CD200R1: variants seen among roughly 807,000 people sequenced by gnomAD.
CD200R1 encodes cell surface glycoprotein CD200 receptor 1.
In CD200R1, 30 loss-of-function variants were observed where a neutral mutation model predicts 38.1. The ratio of observed to expected loss-of-function variants is 0.79; its 90% CI spans 0.59 to 1.07. The LOEUF (loss-of-function observed/expected upper bound fraction) is 1.07. Among genes scored for constraint, CD200R1 ranks in the 50% least tolerant of loss-of-function variants. CD200R1 has a pLI of 0.00. For missense variants in CD200R1, 372 were observed against 415.4 expected, an observed-to-expected ratio of 0.90 and a Z score of 0.91; for synonymous variants, 128 against 152.1, an observed-to-expected ratio of 0.84 and a Z score of 1.16.
chr3:112,969,751 C>A (rs1382797449), intron 1 of CD200R1, among the ~76,000 whole-genome samples: 1 of 152,192 alleles, frequency 6.6e-6, no homozygotes, highest in Non-Finnish European at 1.5e-5. Context: ...TGCAGGTAGA[C>A]TTCTCCCTCT....
In CD200R1 at chr3:112,928,876, C is replaced by T. The variant is rs867172045; in HGVS notation, c.709G>A (p.Val237Met). Residue 237 changes from valine (V) to methionine (M), a missense_variant, in exon 5 of 8, where the codon GTG (valine) becomes ATG (methionine). Transcript: ENST00000308611. ...CHWEVHNVST[V>M]TCHVSHLTGN... ...GTCAAATGGGAGACGTGGCAGGTCA[C>T]GGTAGACACATTGTGGACCTCCCAG... The T allele has an allele frequency of 8.1e-6, 13 of 1,613,720 alleles. No individual in the cohort carries two copies. The highest frequency in any genetic ancestry group is 2.2e-5 in the East Asian group (1 of 44,878).
chr3:112,930,392 A>G (rs1345195522), intron 3 of CD200R1, among the ~76,000 whole-genome samples: 1 of 152,210 alleles, frequency 6.6e-6, no homozygotes, highest in Non-Finnish European at 1.5e-5. Flanking sequence ...CTGTGAACTT[A>G]GCTCACAGAT....
Position 112,922,659 on chromosome 3 carries a change from G to A in CD200R1, c.*1018C>T, listed in dbSNP as rs577697226. 5.9e-5 allele frequency: 9 copies of A among 151,994 alleles called. No individual in the cohort carries two copies. The South Asian group carries it at 1.9e-3, about 32-fold the overall frequency. The allele number at this position is 151,994 out of a possible 1,614,324, so 9.4% of individuals were successfully genotyped here. A position where few individuals can be genotyped will look rare whatever the true frequency, so the allele number is the denominator to read the frequency against. ...AGAAGAAGCTAATGTTCTCACACGT[G>A]CATTCACTCTCTTACAAACATGACC... On this transcript the variant is annotated 3_prime_UTR_variant, in exon 8 of 8. Transcript: ENST00000308611.
chr3:112,929,767 G>A (rs1272475586), intron 3 of CD200R1, among the ~76,000 whole-genome samples: 1 of 151,930 alleles, frequency 6.6e-6, no homozygotes, highest in Non-Finnish European at 1.5e-5. Flanking sequence ...TATTAATGGA[G>A]AAGTTTTAAT....
intron 2 of CD200R1, among the ~76,000 whole-genome samples, chr3:112,933,944 GAA>G (rs1471073517): frequency 6.6e-6 from 1 of 151,114 alleles, no homozygotes; most frequent in Non-Finnish European, 1.5e-5. Context: ...AAAACAAAAA[GAA>G]AAAGAATTTT....
intron 2 of CD200R1, among the ~76,000 whole-genome samples, chr3:112,934,309 G>A (rs1940523661): frequency 6.6e-6 from 1 of 152,046 alleles, no homozygotes; most frequent in Non-Finnish European, 1.5e-5. Context: ...AACCTTATGG[G>A]CCAAGAGAAA....
rs200448544 is a variant in CD200R1 at position 112,929,028 on chromosome 3, C to A, written c.557G>T (p.Arg186Ile). ...TGCAACTGCCTTGCATACTGCAGTT[C>A]TATTCCTGTTTTGAAACAGGGTCAC... ...PEVTLFQNRN[R>I]TAVCKAVAGK... Residue 186 changes from arginine (R) to isoleucine (I), a missense_variant, in exon 5 of 8, where the codon AGA becomes ATA. Coordinates refer to ENST00000308611, the MANE Select transcript of CD200R1 (RefSeq NM_138806.4). The A allele has an allele frequency of 2.2e-5, 36 of 1,613,902 alleles. No homozygotes were observed. Among genetic ancestry groups the A allele is most frequent in the Middle Eastern group, 1.7e-4 (1 of 5,908 alleles).
At chr3:112,963,956 C>T (rs1933088635) in intron 1 of CD200R1, among the ~76,000 whole-genome samples, 1 of 152,194 alleles carries the variant, frequency 6.6e-6, no homozygotes, top group Non-Finnish European at 1.5e-5. Context: ...GTGCCAGCTG[C>T]TCCAGCCATG....
At chr3:112,927,940 A>T (rs1940319735) in intron 5 of CD200R1, among the ~76,000 whole-genome samples, 1 of 152,200 alleles carries the variant, frequency 6.6e-6, no homozygotes, top group South Asian at 2.1e-4. Flanking sequence ...GTATTTCTTG[A>T]TTCAGCACTT....
chr3:112,932,876 GTGCC>G (rs1436268135), intron 2 of CD200R1, among the ~76,000 whole-genome samples: 1 of 151,948 alleles, frequency 6.6e-6, no homozygotes, highest in Non-Finnish European at 1.5e-5. Context: ...AAGTGGCCCC[GTGCC>G]TGTAACCAGA....
At chr3:112,945,186 T>C (rs556896352) in intron 2 of CD200R1, among the ~76,000 whole-genome samples, 1 of 152,218 alleles carries the variant, frequency 6.6e-6, no homozygotes, top group African/African-American at 2.4e-5. Context: ...CCAACCAAAA[T>C]CTCAGCAAGT....
chr3:112,946,702 C>A (rs1472037250), intron 2 of CD200R1, among the ~76,000 whole-genome samples: 2 of 152,164 alleles, frequency 1.3e-5, no homozygotes, highest in African/African-American at 4.8e-5. Context: ...CAAAGTGGTA[C>A]ATCTACTTTG....
rs377197827 is a variant in CD200R1 at position 112,950,538 on chromosome 3, T to C, written c.68-2614A>G. The stretch of plus-strand genomic sequence containing the variant: ...CTAAGTTGTGGGGTAATTCATTACA[T>C]AGTTATAAACAACTAATATAGTTAT... On this transcript the variant is annotated intron_variant, in intron 1 of 7. Transcript: ENST00000308611. Among the ~76,000 whole-genome samples, 175 of 152,334 alleles carry C rather than the reference T, an allele frequency of 1.1e-3. 4 individuals are homozygous for C. In the South Asian group the frequency reaches 0.033, roughly 29 times the overall value.
In CD200R1 at chr3:112,921,750, A is replaced by C. The variant is rs1301483389; in HGVS notation, c.*1927T>G. On this transcript the variant is annotated 3_prime_UTR_variant, in exon 8 of 8. Transcript: ENST00000308611. ...ACCATGTTCCAGCCCCATAGTAGAG[A>C]TTTTCATACAATTATTTTCTGTACA... 1.3e-5 allele frequency: 2 copies of C among 151,952 alleles called. No individual in the cohort carries two copies. Among genetic ancestry groups the C allele is most frequent in the African/African-American group, 4.8e-5 (2 of 41,406 alleles). The allele number at this position is 151,952 out of a possible 1,614,324, so 9.4% of individuals were successfully genotyped here.
At position 112,922,209 on chromosome 3, in the gene CD200R1, A is replaced by T. The variant is rs1279620373; in HGVS notation, c.*1468T>A. On this transcript the variant is annotated 3_prime_UTR_variant, in exon 8 of 8. Transcript: ENST00000308611. ...ACTTATAAGACAAAATAGCTGTCTTAAAAATCTCAGATGGTATGATTGAAG... is the reference window on the plus strand; with the variant it reads ...ACTTATAAGACAAAATAGCTGTCTTTAAAATCTCAGATGGTATGATTGAAG... The T allele has an allele frequency of 6.6e-6, 1 of 152,052 alleles. No homozygotes were observed. Among genetic ancestry groups the T allele is most frequent in the Non-Finnish European group, 1.5e-5 (1 of 67,944 alleles). 9.4% of individuals were successfully genotyped at this position (152,052 alleles called of 1,614,324 possible).
intron 6 of CD200R1, 41 bp downstream of exon 6, chr3:112,925,044 T>G (rs1385171514): frequency 8.5e-7 from 1 of 1,175,084 alleles, no homozygotes; most frequent in African/African-American, 1.5e-5. Flanking sequence ...TTTTCTAGCC[T>G]AATAAAGCTG....
chr3:112,947,990 T>C, intron 1 of CD200R1, 66 bp from the exon 2 acceptor site: 1 of 974,010 alleles, frequency 1.0e-6, no homozygotes, highest in Non-Finnish European at 1.7e-6. Flanking sequence ...GACTCCTAGT[T>C]AAAATCATAT....
chr3:112,951,137 A>G (rs1940962242), intron 1 of CD200R1, among the ~76,000 whole-genome samples: 1 of 146,686 alleles, frequency 6.8e-6, no homozygotes, highest in Admixed American at 6.7e-5. Context: ...CTGATAAGGA[A>G]AAAAATAGAA....
chr3:112,966,548 A>C (rs1181631309), intron 1 of CD200R1, among the ~76,000 whole-genome samples: 1 of 152,218 alleles, frequency 6.6e-6, no homozygotes. Context: ...TCATATAACC[A>C]GATATTCTCA....
Sources: gnomAD v4.1 joint callset for allele counts (sites outside exome capture counted in the v4.1 genomes callset) on GRCh38, gnomAD v4.1.1 for gene constraint, MANE v1.5 for transcripts, NCBI Gene and HGNC (gene_info 2026-07-23, HGNC 2026-07-21) for gene names.